ADPRHL1: variants seen among roughly 807,000 people sequenced by gnomAD.
ADPRHL1 encodes ADP-ribosylhydrolase like 1.
Under a neutral mutation model 44.1 loss-of-function variants are expected in ADPRHL1, and 43 were observed. The ratio of observed to expected loss-of-function variants is 0.98; its 90% confidence interval spans 0.76 to 1.26. The LOEUF (loss-of-function observed/expected upper bound fraction) is 1.26, where lower values mean the gene tolerates loss of function less well. Among genes scored for constraint, ADPRHL1 ranks in the 50% most tolerant of loss-of-function variants. The pLI is 0.00. For synonymous variants in ADPRHL1, 878 were observed against 1,017.4 expected (o/e 0.86, Z 2.61); for missense variants, 2,022 against 2,496.9 (o/e 0.81, Z 4.05).
rs1226494703 is a variant in ADPRHL1 at position 113,424,299 on chromosome 13, A to T, written c.825T>A (p.Asp275Glu). ...SEGRGGRRGH[D>E]APMIAYDALL... ...GGGCGTCATAGGCTATCATGGGGGC[A>T]TCGTGGCCTCGTCTTCCCCCTCGAC... The change falls in exon 6 of 8, where the codon GAT (aspartate) becomes GAA (glutamate). Residue 275 changes from aspartate (D) to glutamate (E), a missense_variant. Coordinates refer to ENST00000612156, the MANE Select transcript of ADPRHL1 (RefSeq NM_001394807.1). 6.2e-7 allele frequency: 1 copy of T among 1,612,836 alleles called. No homozygotes were observed. The highest frequency in any genetic ancestry group is 1.7e-5 in the Admixed American group (1 of 60,004).
chr13:113,423,323 G>A (rs1476553371), intron 6 of ADPRHL1, among the ~76,000 whole-genome samples: 1 of 152,138 alleles, frequency 6.6e-6, no homozygotes, highest in African/African-American at 2.4e-5. Context: ...CCCTCCCTGG[G>A]GCAGGCATCT....
At chr13:113,411,582 C>T (rs537752646) in intron 7 of ADPRHL1, among the ~76,000 whole-genome samples, 6 of 152,196 alleles carry the variant, frequency 3.9e-5, no homozygotes, top group East Asian at 1.9e-4. Context: ...CTGTCACAGC[C>T]GGCTTTCACC....
In ADPRHL1 at chr13:113,403,878, C is replaced by T; in HGVS notation, c.5404G>A (p.Glu1802Lys). The change falls in exon 8 of 8, where the codon GAA becomes AAA. Residue 1802 changes from glutamate to lysine, a missense_variant. This residue lies in a region of ADPRHL1 where 205 missense variants were observed against 250.1 expected (regional missense o/e 0.82). Coordinates refer to ENST00000612156, the MANE Select transcript of ADPRHL1 (RefSeq NM_001394807.1). ...GTCAAGGCCTGTTCCCGACCCTGTT[C>T]CCAAGCCCGTTCCTGAGCCCCTTTC... Reference protein sequence around the residue: ...TQKGAQERAWEQGREQALTSG... With the variant: ...TQKGAQERAWKQGREQALTSG... 2.4e-6 allele frequency: 3 copies of T among 1,264,174 alleles called. No individual in the cohort carries two copies. Among genetic ancestry groups the T allele is most frequent in the Non-Finnish European group, 3.0e-6 (3 of 1,009,880 alleles). The allele number at this position is 1,264,174 out of a possible 1,614,324, so 78.3% of individuals were successfully genotyped here.
At position 113,405,046 on chromosome 13, in the gene ADPRHL1, T is replaced by C; in HGVS notation, c.4236A>G (p.Lys1412=). ...CCTGTGCCCACCATGTCTGAGGCTC[T>C]TTTGCTGGGTTCAGCACAACCTTCG... ...SGSKVVLNPA[K]EPQTWWAQDL... The change falls in exon 8 of 8, where the codon AAA becomes AAG. Residue 1412 remains lysine, a synonymous_variant. Transcript: ENST00000612156. The C allele has an allele frequency of 8.1e-7, 1 of 1,232,612 alleles. No individual in the cohort carries two copies. Among genetic ancestry groups the C allele is most frequent in the Non-Finnish European group, 1.0e-6 (1 of 988,564 alleles). 76.4% of individuals were successfully genotyped at this position (1,232,612 alleles called of 1,614,324 possible).
chr13:113,430,753 GCAGTGGCACTAGTGGTGGCGGTGA>G (rs1313082660), intron 3 of ADPRHL1, among the ~76,000 whole-genome samples: 1 of 150,974 alleles, frequency 6.6e-6, no homozygotes, highest in African/African-American at 2.4e-5. Flanking sequence ...GGCGGGGGTG[GCAGTGGCACTAGTGGTGGCGGTGA>G]CAGTGTTGCT....
At position 113,409,047 on chromosome 13, in the gene ADPRHL1, G is replaced by A. The variant is rs1172973601; in HGVS notation, c.1062-827C>T. On this transcript the variant is annotated intron_variant, in intron 7 of 7. Transcript: ENST00000612156. The surrounding 1 kb of genome is among the most constrained non-coding windows in gnomAD (Gnocchi z 4.2). ...ACCCCTTTCAAAATGGCTTAGAGGA[G>A]CCACTGAGGCTGGGGGCTGCCGCCC... is the stretch of plus-strand genomic sequence containing the variant. 2.0e-5 allele frequency among the ~76,000 whole-genome samples: 3 copies of A among 152,242 alleles called. No individual in the cohort carries two copies. The highest frequency in any genetic ancestry group is 2.9e-5 in the Non-Finnish European group (2 of 68,038).
At chr13:113,437,145 AC>A in intron 2 of ADPRHL1, among the ~76,000 whole-genome samples, 3 of 145,224 alleles carry the variant, frequency 2.1e-5, no homozygotes, top group Non-Finnish European at 4.5e-5. Context: ...ACACAGGTGT[AC>A]CCCGGGACCC....
At chr13:113,436,432 CCCCGGGACCCGGCACCCAGGTGCAGGGT>C in intron 2 of ADPRHL1, among the ~76,000 whole-genome samples, 2 of 5,194 alleles carry the variant, frequency 3.9e-4, no homozygotes, top group Non-Finnish European at 5.2e-4. Context: ...CATAGGTGTA[CCCCGGGACCCGGCACCCAGGTGCAGGGT>C]GAACATAGGT....
chr13:113,445,044 T>C (rs939384309), intron 1 of ADPRHL1, among the ~76,000 whole-genome samples: 2 of 152,040 alleles, frequency 1.3e-5, no homozygotes, highest in Non-Finnish European at 1.5e-5. Context: ...AGCTCCTTCT[T>C]CTCTTGCCAG....
intron 1 of ADPRHL1, among the ~76,000 whole-genome samples, chr13:113,448,580 C>G (rs936141389): frequency 3.3e-5 from 5 of 151,612 alleles, no homozygotes; most frequent in African/African-American, 1.2e-4. Flanking sequence ...TCAACTGTTT[C>G]CAAACGTTTT....
At chr13:113,447,563 T>A (rs565796593) in intron 1 of ADPRHL1, among the ~76,000 whole-genome samples, 8 of 151,736 alleles carry the variant, frequency 5.3e-5, no homozygotes, top group Non-Finnish European at 1.0e-4. Context: ...GGTGTCTACA[T>A]GCACATTGTA....
rs576344784 is a variant in ADPRHL1, at chr13:113,407,677, C to T, written c.1605G>A (p.Arg535=). ...KPPVERPKAA[R]GLLPKIMGKS... is the part of the protein sequence containing the mutation. Reference sequence around the variant, plus strand: ...TGCCCATGATCTTCGGCAAGAGGCCCCTGGCGGCTTTGGGCCGCTCCACAG... The same window carrying T: ...TGCCCATGATCTTCGGCAAGAGGCCTCTGGCGGCTTTGGGCCGCTCCACAG... The change falls in exon 8 of 8, where the codon AGG becomes AGA. Residue 535 remains arginine, a synonymous_variant. Transcript: ENST00000612156. 1 of 1,232,090 alleles carries T rather than the reference C, an allele frequency of 8.1e-7. No individual in the cohort carries two copies. Among genetic ancestry groups the T allele is most frequent in the Non-Finnish European group, 1.0e-6 (1 of 988,014 alleles). The allele number at this position is 1,232,090 out of a possible 1,614,324, so 76.3% of individuals were successfully genotyped here. A position where few individuals can be genotyped will look rare whatever the true frequency, so the allele number is the denominator to read the frequency against.
At chr13:113,433,937 A>T in intron 2 of ADPRHL1, 70 bp from the exon 3 acceptor site, 1 of 1,455,078 alleles carries the variant, frequency 6.9e-7, no homozygotes, top group South Asian at 1.4e-5. Context: ...TCTAGCTTTC[A>T]TGAATAATTT....
intron 2 of ADPRHL1, among the ~76,000 whole-genome samples, chr13:113,439,762 A>G (rs2044085268): frequency 6.6e-6 from 1 of 152,160 alleles, no homozygotes; most frequent in Non-Finnish European, 1.5e-5. Context: ...AATTTCTTCC[A>G]TAAGATGTAA....
Position 113,407,595 on chromosome 13 carries a change from A to AG in ADPRHL1, c.1686dup (p.Ser563LeufsTer54). The AG allele has an allele frequency of 8.1e-7, 1 of 1,232,100 alleles. No individual in the cohort carries two copies. The highest frequency in any genetic ancestry group is 1.0e-6 in the Non-Finnish European group (1 of 988,034). The allele number at this position is 1,232,100 out of a possible 1,614,324, so 76.3% of individuals were successfully genotyped here. ...TGCAGCCTCAGCGCACTGGCCTCGGAGCACAGGCAGCTGTTCTGCTCGAAC... is the reference window on the plus strand; with the variant it reads ...TGCAGCCTCAGCGCACTGGCCTCGGAGGCACAGGCAGCTGTTCTGCTCGAAC... On this transcript the variant is annotated frameshift_variant, in exon 8 of 8. Transcript: ENST00000612156. LOFTEE classifies it low-confidence loss of function (END_TRUNC).
Position 113,407,959 on chromosome 13 carries a change from C to A in ADPRHL1, c.1323G>T (p.Arg441=). ...CCCTGGTCCTCTTGAGGTAGCGCTC[C>A]CGGCCAGTGCCCAGGAACTTGGCCT... ...LLQAKFLGTG[R]ERYLKRTREV... is the part of the protein sequence containing the mutation. The change falls in exon 8 of 8, where the codon CGG becomes CGT. Residue 441 remains arginine (R), a synonymous_variant. Coordinates refer to ENST00000612156, the MANE Select transcript of ADPRHL1 (RefSeq NM_001394807.1). 1 of 1,232,066 alleles carries A rather than the reference C, an allele frequency of 8.1e-7. No homozygotes were observed. The highest frequency in any genetic ancestry group is 4.1e-5 in the South Asian group (1 of 24,326). The allele number at this position is 1,232,066 out of a possible 1,614,324, so 76.3% of individuals were successfully genotyped here. A position where few individuals can be genotyped will look rare whatever the true frequency, so the allele number is the denominator to read the frequency against.
intron 7 of ADPRHL1, among the ~76,000 whole-genome samples, chr13:113,419,280 ATTTTTTTTT>A (rs33995150): frequency 9.4e-6 from 1 of 106,508 alleles, no homozygotes; most frequent in Admixed American, 1.1e-4. Context: ...TAATTTTTGT[ATTTTTTTTT>A]TTTTTTTTGT....
Position 113,444,386 on chromosome 13 carries a change from C to G in ADPRHL1, c.379+39G>C, listed in dbSNP as rs756451379. 3.7e-6 allele frequency: 6 copies of G among 1,603,714 alleles called. No homozygotes were observed. The South Asian group carries it at 5.6e-5, about 15-fold the overall frequency. ...ATGGTTAGGACCGCAGGGTCCCCAGCAGGGTGGCTTTAGGGGGAGAGGAGA... is the reference window on the plus strand; with the variant it reads ...ATGGTTAGGACCGCAGGGTCCCCAGGAGGGTGGCTTTAGGGGGAGAGGAGA... On this transcript the variant is annotated intron_variant, in intron 2 of 7. Transcript: ENST00000612156.
Position 113,433,816 on chromosome 13 carries a change from C to T in ADPRHL1, c.431G>A (p.Trp144Ter), listed in dbSNP as rs1210612092. 1.3e-6 allele frequency: 2 copies of T among 1,581,472 alleles called. No homozygotes were observed. Among genetic ancestry groups the T allele is most frequent in the South Asian group, 1.2e-5 (1 of 86,504 alleles). Residue 144 changes from tryptophan (W) to a stop codon, truncating the protein, a stop_gained, in exon 3 of 8, where the codon TGG becomes TAG. Coordinates refer to ENST00000612156, the MANE Select transcript of ADPRHL1 (RefSeq NM_001394807.1). LOFTEE classifies it high-confidence loss of function. Reference sequence around the variant, plus strand: ...GAGGGTCTCCAGCCGCTCAGGCTTCCAGTACCGCAGGCCGATGCACATGGC... The same window carrying T: ...GAGGGTCTCCAGCCGCTCAGGCTTCTAGTACCGCAGGCCGATGCACATGGC... ...TKAMCIGLRYWKPERLETLIE... is the reference protein window; with the variant it reads ...TKAMCIGLRY
Sources: allele counts gnomAD v4.1 joint callset (sites outside exome capture counted in the v4.1 genomes callset), GRCh38; gene constraint gnomAD v4.1.1; regional missense constraint gnomAD v4.1.1; non-coding constraint Gnocchi (gnomAD v3.1); transcripts MANE v1.5; gene names NCBI Gene and HGNC (gene_info 2026-07-23, HGNC 2026-07-21).